The following LDLRAD4 variants were observed in gnomAD, a reference collection of about 807,000 sequenced individuals.
LDLRAD4 encodes low density lipoprotein receptor class A domain containing 4.
LDLRAD4 carries 5 observed loss-of-function variants against 17.0 expected under a neutral mutation model. That is an observed-to-expected ratio of 0.29 (90% CI 0.15 to 0.62). LDLRAD4 has a LOEUF of 0.62. Among genes scored for constraint, LDLRAD4 ranks in the 20% least tolerant of loss-of-function variants. The probability of loss-of-function intolerance (pLI) is 0.84; values close to 1 mark genes in which losing one functional copy is unlikely to be tolerated. For synonymous variants in LDLRAD4, 168 were observed against 171.8 expected, an observed-to-expected ratio of 0.98 and a Z score of 0.17; for missense variants, 340 against 424.7, an observed-to-expected ratio of 0.80 and a Z score of 1.75.
At chr18:13,229,776 T>G (rs1188923949) in intron 1 of LDLRAD4, among the ~76,000 whole-genome samples, 1 of 152,210 alleles carries the variant, frequency 6.6e-6, no homozygotes, top group Non-Finnish European at 1.5e-5. Context: ...GTCCACGCAC[T>G]AGGCATAGAT....
chr18:13,644,748 A>G, intron 5 of LDLRAD4: 1 of 197,990 alleles, frequency 5.1e-6, no homozygotes, highest in Admixed American at 5.5e-5. Flanking sequence ...ACTGGTGACC[A>G]GATCCAAGTG....
At chr18:13,249,446 G>T (rs2043124801) in intron 1 of LDLRAD4, among the ~76,000 whole-genome samples, 1 of 152,190 alleles carries the variant, frequency 6.6e-6, no homozygotes, top group Non-Finnish European at 1.5e-5. Context: ...GCTAACTGGG[G>T]TGAGATGGTA....
intron 1 of LDLRAD4, among the ~76,000 whole-genome samples, chr18:13,295,499 A>G (rs758919975): frequency 3.9e-5 from 6 of 152,182 alleles, no homozygotes; most frequent in Non-Finnish European, 7.3e-5. Context: ...TGTCACCTGG[A>G]CTTACTAATA....
At position 13,564,078 on chromosome 18, in the gene LDLRAD4, G is replaced by T. The variant is rs746219546; in HGVS notation, c.182-57039G>T. 7.4e-4 allele frequency among the ~76,000 whole-genome samples: 112 copies of T among 152,096 alleles called. 1 individual carries two copies. The highest frequency in any genetic ancestry group is 1.4e-3 in the Non-Finnish European group (96 of 68,002). On this transcript the variant is annotated intron_variant, in intron 3 of 5. Transcript: ENST00000359446. Reference sequence around the variant, plus strand: ...GCACCACCACACCTGGATAATTGTGGTTTTTTTGTAAAGATGGGGGTCTCA... The same window carrying T: ...GCACCACCACACCTGGATAATTGTGTTTTTTTTGTAAAGATGGGGGTCTCA...
chr18:13,610,852 G>C (rs1407406879), intron 3 of LDLRAD4, among the ~76,000 whole-genome samples: 1 of 152,158 alleles, frequency 6.6e-6, no homozygotes, highest in African/African-American at 2.4e-5. Context: ...GGGTGACTCT[G>C]AGAAGTCAGG....
chr18:13,530,620 G>A (rs538638888), intron 3 of LDLRAD4, among the ~76,000 whole-genome samples: 3 of 152,230 alleles, frequency 2.0e-5, no homozygotes, highest in Non-Finnish European at 2.9e-5. Context: ...CTGGCTCAGC[G>A]AGGCACCCTG....
chr18:13,262,134 A>G (rs1202533966), intron 1 of LDLRAD4, among the ~76,000 whole-genome samples: 4 of 102,480 alleles, frequency 3.9e-5, no homozygotes, highest in Non-Finnish European at 4.0e-5. Flanking sequence ...CTGTGCGTGG[A>G]AACTGAGTCC....
At chr18:13,328,502 C>T (rs1364116810) in intron 1 of LDLRAD4, among the ~76,000 whole-genome samples, 2 of 152,224 alleles carry the variant, frequency 1.3e-5, no homozygotes, top group African/African-American at 4.8e-5. Context: ...AGAAGAGCCA[C>T]CTGCAGGCTG....
At chr18:13,544,250 A>G (rs1284695855) in intron 3 of LDLRAD4, among the ~76,000 whole-genome samples, 1 of 152,270 alleles carries the variant, frequency 6.6e-6, no homozygotes, top group Admixed American at 6.5e-5. Flanking sequence ...TTTCCCCGTC[A>G]GAGTGCTGCA....
At chr18:13,560,715 C>CT (rs2094531408) in intron 3 of LDLRAD4, among the ~76,000 whole-genome samples, 1 of 152,230 alleles carries the variant, frequency 6.6e-6, no homozygotes, top group African/African-American at 2.4e-5. Context: ...TCAAGCTTCC[C>CT]TTTTCAGCGT....
At chr18:13,550,485 C>T (rs567762483) in intron 3 of LDLRAD4, among the ~76,000 whole-genome samples, 48 of 152,278 alleles carry the variant, frequency 3.2e-4, no homozygotes, top group African/African-American at 1.1e-3. Context: ...AGTCAAAGCT[C>T]GAGGGGCTAG....
At chr18:13,310,379 G>A (rs562196591) in intron 1 of LDLRAD4, among the ~76,000 whole-genome samples, 85 of 152,050 alleles carry the variant, frequency 5.6e-4, no homozygotes, top group African/African-American at 2.0e-3. Context: ...GGGAGATATT[G>A]GTGGGCCTGC....
In LDLRAD4 at chr18:13,408,526, G is replaced by A. The variant is rs368636587; in HGVS notation, c.40+20764G>A. On this transcript the variant is annotated intron_variant, in intron 2 of 5. Coordinates refer to ENST00000359446, the Ensembl canonical transcript of LDLRAD4. ...TTTGTTCTGTCACCCAGGCTAGAGT[G>A]CAGTGGCGTGATATTGGCTCACTGC... 9.2e-5 allele frequency among the ~76,000 whole-genome samples: 14 copies of A among 151,830 alleles called. No individual in the cohort carries two copies. The East Asian group carries it at 2.5e-3, about 27-fold the overall frequency.
rs921269633 is a variant in LDLRAD4 at position 13,367,988 on chromosome 18, G to A, written c.-382-19353G>A. 6.6e-6 allele frequency among the ~76,000 whole-genome samples: 1 copy of A among 152,220 alleles called. No homozygotes were observed. Among genetic ancestry groups the A allele is most frequent in the South Asian group, 2.1e-4 (1 of 4,820 alleles). ...AGTGAGCCATGACGGCACCACTGCA[G>A]TCCTGCCCAGGTGACAGAGTGAGAC... On this transcript the variant is annotated intron_variant, in intron 1 of 5. Transcript: ENST00000359446. The surrounding 1 kb of genome is among the most constrained non-coding windows in gnomAD (Gnocchi z 4.1).
intron 1 of LDLRAD4, among the ~76,000 whole-genome samples, chr18:13,244,775 T>C (rs1221646737): frequency 1.3e-5 from 2 of 152,172 alleles, no homozygotes; most frequent in African/African-American, 4.8e-5. Context: ...TGTGTGGAAT[T>C]TGAGCTTTTG....
intron 3 of LDLRAD4, chr18:13,542,397 C>G (rs1268048672): frequency 6.6e-6 from 1 of 152,292 alleles, no homozygotes; most frequent in Non-Finnish European, 1.5e-5. Flanking sequence ...CGTGCTTGCG[C>G]GTGTGCCATT....
intron 3 of LDLRAD4, among the ~76,000 whole-genome samples, chr18:13,448,358 A>G (rs2091562730): frequency 6.6e-6 from 1 of 152,120 alleles, no homozygotes; most frequent in Non-Finnish European, 1.5e-5. Flanking sequence ...GAGGCTTACC[A>G]GGCTTGCTTT....
chr18:13,387,618 C>G, exon 2 of LDLRAD4: 1 of 1,044,282 alleles, frequency 9.6e-7, no homozygotes, highest in South Asian at 1.3e-5. Flanking sequence ...CCCAGCAGAG[C>G]GATGGACTTG....
chr18:13,448,214 G>A (rs554957493), intron 3 of LDLRAD4, among the ~76,000 whole-genome samples: 1 of 152,304 alleles, frequency 6.6e-6, no homozygotes, highest in South Asian at 2.1e-4. Flanking sequence ...GGATGTTGTC[G>A]TGTGTGCTTA....
Sources: allele counts gnomAD v4.1 joint callset (sites outside exome capture counted in the v4.1 genomes callset), GRCh38; gene constraint gnomAD v4.1.1; non-coding constraint Gnocchi (gnomAD v3.1); transcripts MANE v1.5; gene names NCBI Gene and HGNC (gene_info 2026-07-23, HGNC 2026-07-21).